Variants in WASHC4 observed in about 807,000 individuals in gnomAD.
The protein encoded by WASHC4 is WASH complex subunit 7.
Under a neutral mutation model 166.6 loss-of-function variants are expected in WASHC4, and 86 were observed. The observed-to-expected ratio is 0.52, with a 90% CI of 0.43 to 0.62. The LOEUF is 0.62. Among genes scored for constraint, WASHC4 ranks in the 20% least tolerant of loss-of-function variants. WASHC4 has a pLI of 0.00. For missense variants in WASHC4, 1,262 were observed against 1,382.4 expected (o/e 0.91, Z 1.38); for synonymous variants, 446 against 451.6 (o/e 0.99, Z 0.16).
At chr12:105,142,616 C>T (rs1282385964) in intron 19 of WASHC4, 58 bp downstream of exon 19, 5 of 978,120 alleles carry the variant, frequency 5.1e-6, no homozygotes, top group Admixed American at 1.8e-5. Context: ...CTGTGTAAAC[C>T]GTTTTAGTTT....
In WASHC4 at chr12:105,114,090, G is replaced by A. The variant is rs1273334117; in HGVS notation, c.202-126G>A. 15 of 703,318 alleles carry A rather than the reference G, an allele frequency of 2.1e-5. No homozygotes were observed. The East Asian group carries it at 4.6e-4, about 22-fold the overall frequency. 43.6% of individuals were successfully genotyped at this position (703,318 alleles called of 1,614,324 possible). A position where few individuals can be genotyped will look rare whatever the true frequency, so the allele number is the denominator to read the frequency against. On this transcript the variant is annotated intron_variant, in intron 2 of 32. Coordinates refer to ENST00000332180, the MANE Select transcript of WASHC4 (RefSeq NM_015275.3). The stretch of plus-strand genomic sequence containing the variant: ...TTGTTTTGGATGAAGTAGTTGATAT[G>A]GTGCTAATGTTGAGTACAGGATCTA...
rs1884851484 is a variant in WASHC4, at chr12:105,167,028, T to C, written c.*97T>C. 6.0e-6 allele frequency: 5 copies of C among 840,280 alleles called. No individual in the cohort carries two copies. Among genetic ancestry groups the C allele is most frequent in the Admixed American group, 3.5e-5 (2 of 57,854 alleles). The allele number at this position is 840,280 out of a possible 1,614,324, so 52.1% of individuals were successfully genotyped here. A position where few individuals can be genotyped will look rare whatever the true frequency, so the allele number is the denominator to read the frequency against. On this transcript the variant is annotated 3_prime_UTR_variant, in exon 33 of 33. Transcript: ENST00000332180. ...AACTATTGATGAATTGTTTCCTGGG[T>C]CACATCTCTGGAAAATAGATGTTAC...
At chr12:105,114,669 T>C (rs1486204139) in intron 4 of WASHC4, among the ~76,000 whole-genome samples, 1 of 152,010 alleles carries the variant, frequency 6.6e-6, no homozygotes, top group Non-Finnish European at 1.5e-5. Context: ...AACTGAAGCT[T>C]AAAGAGAGTG....
Position 105,140,389 on chromosome 12 carries a change from T to A in WASHC4, c.1548T>A (p.Ile516=). The stretch of plus-strand genomic sequence containing the variant: ...TTCAACATCAGGCTCTTCATTCTAT[T>A]TCTGTGGCCAAGGTATGCAGCTTAT... ...QHLQHQALHS[I]SVAKKRVISD... is the part of the protein sequence containing the mutation. Residue 516 remains isoleucine (I), a synonymous_variant, in exon 16 of 33, where the codon ATT becomes ATA. Transcript: ENST00000332180. 6.2e-7 allele frequency: 1 copy of A among 1,609,792 alleles called. No homozygotes were observed.
At position 105,115,725 on chromosome 12, in the gene WASHC4, A is replaced by G. The variant is rs185918254; in HGVS notation, c.432A>G (p.Leu144=). The G allele has an allele frequency of 3.2e-4, 504 of 1,594,466 alleles. 5 individuals carry two copies. In the African/African-American group the frequency reaches 6.3e-3, roughly 20 times the overall value. ...QIQMGRFISF[L]QELSCFVTRC... ...AAATGGGGAGATTTATTTCATTCTTACAGGTAACTGATTTTTACTTTCTAC... is the reference window on the plus strand; with the variant it reads ...AAATGGGGAGATTTATTTCATTCTTGCAGGTAACTGATTTTTACTTTCTAC... Residue 144 remains leucine (L), a synonymous_variant, in exon 6 of 33, where the codon TTA becomes TTG. Coordinates refer to ENST00000332180, the MANE Select transcript of WASHC4 (RefSeq NM_015275.3).
At chr12:105,115,452 C>T (rs1463251091) in intron 5 of WASHC4, among the ~76,000 whole-genome samples, 2 of 151,782 alleles carry the variant, frequency 1.3e-5, no homozygotes, top group Non-Finnish European at 2.9e-5. Context: ...TGAGAATTTT[C>T]CTTGAATTCA....
At chr12:105,125,010 A>G (rs749464152) in intron 10 of WASHC4, among the ~76,000 whole-genome samples, 1 of 152,246 alleles carries the variant, frequency 6.6e-6, no homozygotes, top group Non-Finnish European at 1.5e-5. Context: ...GACAGCACAG[A>G]TACAGAATAT....
At position 105,144,756 on chromosome 12, in the gene WASHC4, C is replaced by T. The variant is rs372015439; in HGVS notation, c.2218C>T (p.Leu740=). The change falls in exon 22 of 33, where the codon CTA becomes TTA. Residue 740 remains leucine (L), a synonymous_variant. Coordinates refer to ENST00000332180, the MANE Select transcript of WASHC4 (RefSeq NM_015275.3). ...CTACCTAGACAAGACTTTCTACAAT[C>T]TAACAACTGTAGCCCTTCATGACTG... ...THYLDKTFYN[L]TTVALHDWAT... 30 of 1,611,398 alleles carry T rather than the reference C, an allele frequency of 1.9e-5. No homozygotes were observed. Among genetic ancestry groups the T allele is most frequent in the Non-Finnish European group, 2.4e-5 (28 of 1,178,636 alleles).
chr12:105,160,284 C>A (rs753381533), intron 29 of WASHC4, 136 bp downstream of exon 29: 6 of 744,610 alleles, frequency 8.1e-6, no homozygotes, highest in Non-Finnish European at 1.1e-5. Flanking sequence ...TAAATGTGAT[C>A]TCAGTGAATG....
intron 20 of WASHC4, 54 bp downstream of exon 20, chr12:105,143,297 TG>T: frequency 9.3e-7 from 1 of 1,075,084 alleles, no homozygotes. Flanking sequence ...ATGTAGTGTT[TG>T]GAAAAAAAAT....
chr12:105,161,889 T>G (rs1415776413), intron 29 of WASHC4, among the ~76,000 whole-genome samples: 1 of 151,700 alleles, frequency 6.6e-6, no homozygotes, highest in African/African-American at 2.4e-5. Context: ...TGTGGCTACT[T>G]AAGTTAATTA....
chr12:105,150,699 A>G (rs571085015), intron 25 of WASHC4, among the ~76,000 whole-genome samples: 10 of 152,292 alleles, frequency 6.6e-5, no homozygotes, highest in Admixed American at 1.3e-4. Context: ...GTATTAGTCT[A>G]TTCTCATGCT....
chr12:105,153,347 A>G (rs1457802168), intron 26 of WASHC4, among the ~76,000 whole-genome samples: 1 of 152,190 alleles, frequency 6.6e-6, no homozygotes, highest in African/African-American at 2.4e-5. Flanking sequence ...AGTGGGTAAT[A>G]CGTTATAAGC....
chr12:105,152,888 T>C (rs1181903796), intron 26 of WASHC4, among the ~76,000 whole-genome samples: 1 of 152,186 alleles, frequency 6.6e-6, no homozygotes, highest in Non-Finnish European at 1.5e-5. Flanking sequence ...TATAATGTAT[T>C]GTCCTTCTGC....
At chr12:105,133,745 T>G (rs1882064335) in intron 13 of WASHC4, 25 bp from the exon 14 acceptor site, 1 of 1,606,540 alleles carries the variant, frequency 6.2e-7, no homozygotes. Context: ...CTTTGCTGAG[T>G]AACCCCAATA....
chr12:105,153,653 G>A (rs574259488), intron 26 of WASHC4, among the ~76,000 whole-genome samples: 3 of 152,268 alleles, frequency 2.0e-5, no homozygotes, highest in South Asian at 4.1e-4. Context: ...TTTTGTGTAT[G>A]ATATGCTAGA....
intron 15 of WASHC4, among the ~76,000 whole-genome samples, chr12:105,139,425 G>GTATGTATA (rs1555236361): frequency 9.7e-6 from 1 of 103,190 alleles, no homozygotes; most frequent in Non-Finnish European, 2.0e-5. Flanking sequence ...ATGTGTGTGT[G>GTATGTATA]TATATATATA....
At chr12:105,122,378 G>C in intron 10 of WASHC4, 140 bp downstream of exon 10, 2 of 816,998 alleles carry the variant, frequency 2.4e-6, no homozygotes, top group Non-Finnish European at 3.9e-6. Context: ...TATTGTTACA[G>C]TACTAAAATA....
Position 105,146,510 on chromosome 12 carries a change from A to C in WASHC4, c.2393A>C (p.Tyr798Ser). 1 of 1,600,374 alleles carries C rather than the reference A, an allele frequency of 6.2e-7. No individual in the cohort carries two copies. The highest frequency in any genetic ancestry group is 8.6e-7 in the Non-Finnish European group (1 of 1,168,180). ...CATATATTTGTGTCCCGATACCTCT[A>C]TAATCTCAACAATCAGGTGAGTAGG... Reference protein sequence around the residue: ...NIHIFVSRYLYNLNNQIFIER... With the variant: ...NIHIFVSRYLSNLNNQIFIER... Residue 798 changes from tyrosine (Y) to serine (S), a missense_variant, in exon 23 of 33, where the codon TAT (tyrosine) becomes TCT (serine). Tyr to Ser is a moderately radical substitution (Grantham distance 144). Transcript: ENST00000332180.
Sources: allele counts gnomAD v4.1 joint callset (sites outside exome capture counted in the v4.1 genomes callset), GRCh38; gene constraint gnomAD v4.1.1; transcripts MANE v1.5; gene names NCBI Gene and HGNC (gene_info 2026-07-23, HGNC 2026-07-21).